KCNG2: variants seen among roughly 807,000 people sequenced by gnomAD.
KCNG2 encodes the protein potassium voltage-gated channel modifier subfamily G member 2.
In KCNG2, 7 loss-of-function variants were observed where a neutral mutation model predicts 12.3. That is an observed-to-expected ratio of 0.57 (90% CI 0.32 to 1.07). KCNG2 has a LOEUF of 1.07. Among genes scored for constraint, KCNG2 ranks in the 50% least tolerant of loss-of-function variants. KCNG2 has a pLI of 0.04. For synonymous variants in KCNG2, 414 were observed against 351.4 expected (o/e 1.18, Z -1.99); for missense variants, 703 against 726.0 (o/e 0.97, Z 0.36).
intron 1 of KCNG2, among the ~76,000 whole-genome samples, chr18:79,813,763 T>C (rs572141384): frequency 6.6e-6 from 1 of 152,200 alleles, no homozygotes; most frequent in Non-Finnish European, 1.5e-5. Context: ...TTGGACCTCA[T>C]CAAAATTAAA....
intron 3 of KCNG2, among the ~76,000 whole-genome samples, chr18:79,865,286 G>A (rs1425045621): frequency 2.1e-5 from 3 of 139,922 alleles, no homozygotes; most frequent in Non-Finnish European, 3.1e-5. Flanking sequence ...GTGCTGAGAG[G>A]TCTGTGTGCT....
At chr18:79,817,906 G>A (rs1248435870) in intron 1 of KCNG2, among the ~76,000 whole-genome samples, 3 of 152,238 alleles carry the variant, frequency 2.0e-5, no homozygotes, top group Middle Eastern at 6.3e-3. Flanking sequence ...GGGGTGCCCT[G>A]AGGGTGCTGT....
chr18:79,842,670 G>A (rs1439837674), intron 1 of KCNG2, among the ~76,000 whole-genome samples: 1 of 152,080 alleles, frequency 6.6e-6, no homozygotes, highest in East Asian at 1.9e-4. Flanking sequence ...GAGATAGAAA[G>A]CATAAAAAAG....
intron 1 of KCNG2, among the ~76,000 whole-genome samples, chr18:79,804,254 G>A (rs762971692): frequency 1.3e-5 from 2 of 152,222 alleles, no homozygotes; most frequent in Admixed American, 6.5e-5. Context: ...TGCCCAGGCC[G>A]GAAGGCACCA....
rs572030795 is a variant in KCNG2 at position 79,800,564 on chromosome 18, G to A, written c.-115+2550G>A. ...GGCTGAATCAGAGCCTGCCTCTGAC[G>A]AGACATGTACCCCGCCTTCCCGTGT... On this transcript the variant is annotated intron_variant, in intron 1 of 3. Coordinates refer to ENST00000316249, the MANE Select transcript of KCNG2 (RefSeq NM_012283.2). This position sits in a 1 kb window ranked among gnomAD's most constrained non-coding sequence, Gnocchi z 4.0. Among the ~76,000 whole-genome samples the A allele has an allele frequency of 2.6e-5, 4 of 152,362 alleles. No homozygotes were observed. The East Asian group carries it at 5.8e-4, about 22-fold the overall frequency.
chr18:79,869,376 C>CGTCCCCA (rs1979741913), intron 3 of KCNG2, among the ~76,000 whole-genome samples: 2 of 152,168 alleles, frequency 1.3e-5, no homozygotes, highest in South Asian at 4.1e-4. Context: ...CATGCCCGTG[C>CGTCCCCA]GTCCCCAGCA....
rs201467943 is a variant in KCNG2 at position 79,813,793 on chromosome 18, T to C, written c.-115+15779T>C. Among the ~76,000 whole-genome samples, 7 of 152,170 alleles carry C rather than the reference T, an allele frequency of 4.6e-5. No individual in the cohort carries two copies. The East Asian group carries it at 1.3e-3, about 29-fold the overall frequency. ...ATTAAAAACTGCCCTGCAAAAGACA[T>C]TTTAAGAGCATGAAGCGTAAAACTA... is the stretch of plus-strand genomic sequence containing the variant. On this transcript the variant is annotated intron_variant, in intron 1 of 3. Coordinates refer to ENST00000316249, the MANE Select transcript of KCNG2 (RefSeq NM_012283.2).
At chr18:79,802,914 C>T (rs150225932) in intron 1 of KCNG2, among the ~76,000 whole-genome samples, 69 of 152,322 alleles carry the variant, frequency 4.5e-4, no homozygotes, top group African/African-American at 1.5e-3. Flanking sequence ...TGCGGTGGCT[C>T]ACGCCTGTAA....
At chr18:79,878,061 C>T (rs1262795950) in intron 3 of KCNG2, among the ~76,000 whole-genome samples, 3 of 152,264 alleles carry the variant, frequency 2.0e-5, no homozygotes, top group East Asian at 1.9e-4. Flanking sequence ...GGCGCTGCCG[C>T]GTGGTGTGAG....
chr18:79,820,189 C>G (rs1287645941), intron 1 of KCNG2, among the ~76,000 whole-genome samples: 1 of 152,226 alleles, frequency 6.6e-6, no homozygotes, highest in Non-Finnish European at 1.5e-5. Flanking sequence ...TGAACGTCGG[C>G]GCTTGTATCC....
At chr18:79,824,845 G>A (rs1261332724) in intron 1 of KCNG2, among the ~76,000 whole-genome samples, 1 of 151,932 alleles carries the variant, frequency 6.6e-6, no homozygotes, top group Non-Finnish European at 1.5e-5. Context: ...TTTCTTAAGA[G>A]GCATTGAATT....
At chr18:79,843,857 G>T (rs926747343) in intron 1 of KCNG2, among the ~76,000 whole-genome samples, 1 of 152,134 alleles carries the variant, frequency 6.6e-6, no homozygotes, top group African/African-American at 2.4e-5. Context: ...TTAACAAAAT[G>T]GTGGTAGTAA....
rs1980776375 is a variant in KCNG2, at chr18:79,892,432, T to TA, written c.625-6605dup. ...TTGTATCTATTTCTGTATTTGAATC[T>TA]AAAGTGTGTCTCCTGTAGACAACAT... On this transcript the variant is annotated intron_variant, in intron 3 of 3. Coordinates refer to ENST00000316249, the MANE Select transcript of KCNG2 (RefSeq NM_012283.2). Among the ~76,000 whole-genome samples the TA allele has an allele frequency of 1.3e-5, 2 of 152,262 alleles. 1 individual carries two copies. The highest frequency in any genetic ancestry group is 4.1e-4 in the South Asian group (2 of 4,836).
intron 2 of KCNG2, among the ~76,000 whole-genome samples, chr18:79,857,833 A>G (rs570614855): frequency 6.6e-6 from 1 of 152,090 alleles, no homozygotes; most frequent in Non-Finnish European, 1.5e-5. Context: ...TTTTTAGTGT[A>G]TTAACAATGC....
At chr18:79,850,033 G>C (rs1229519513) in intron 1 of KCNG2, among the ~76,000 whole-genome samples, 3 of 152,106 alleles carry the variant, frequency 2.0e-5, no homozygotes, top group Non-Finnish European at 4.4e-5. Flanking sequence ...AACCCGCCGG[G>C]GTCGCTGGTC....
At chr18:79,873,739 T>C (rs4798924) in intron 3 of KCNG2, among the ~76,000 whole-genome samples, 120,646 of 152,204 alleles carry the variant, frequency 0.79, 52,129 homozygotes, top group Non-Finnish European at 0.95. Flanking sequence ...GGGGAGGCCA[T>C]GGAGCGGCCG....
intron 3 of KCNG2, among the ~76,000 whole-genome samples, chr18:79,865,107 T>C (rs1599405731): frequency 7.7e-6 from 1 of 129,724 alleles, no homozygotes; most frequent in Non-Finnish European, 1.6e-5. Flanking sequence ...TGAGAGGACC[T>C]TGTGCCGAAG....
At chr18:79,883,860 G>C (rs1038799151) in intron 3 of KCNG2, among the ~76,000 whole-genome samples, 1 of 152,196 alleles carries the variant, frequency 6.6e-6, no homozygotes, top group African/African-American at 2.4e-5. Flanking sequence ...TACAGGGCCC[G>C]TCATGGCGGC....
At chr18:79,896,184 T>C (rs182689974) in intron 3 of KCNG2, among the ~76,000 whole-genome samples, 13 of 152,330 alleles carry the variant, frequency 8.5e-5, no homozygotes, top group African/African-American at 2.9e-4. Flanking sequence ...CAGGCTGGTG[T>C]AGAACCCCTG....
Sources: allele counts gnomAD v4.1 joint callset (sites outside exome capture counted in the v4.1 genomes callset), GRCh38; gene constraint gnomAD v4.1.1; non-coding constraint Gnocchi (gnomAD v3.1); transcripts MANE v1.5; gene names NCBI Gene and HGNC (gene_info 2026-07-23, HGNC 2026-07-21).